Variants in NCOA1 observed in about 807,000 individuals in gnomAD.
The protein encoded by NCOA1 is Hin-2 protein.
NCOA1 carries 35 observed loss-of-function variants against 150.9 expected under a neutral mutation model. The observed-to-expected ratio is 0.23, with a 90% CI of 0.18 to 0.31. NCOA1 has a LOEUF of 0.31. NCOA1 is among the 10% of genes least tolerant of loss of function. The pLI, the probability that NCOA1 is intolerant of heterozygous loss-of-function variation, is 1.00. For synonymous variants in NCOA1, 590 were observed against 630.0 expected (o/e 0.94, Z 0.95); for missense variants, 1,491 against 1,749.3 (o/e 0.85, Z 2.63).
intron 1 of NCOA1, among the ~76,000 whole-genome samples, chr2:24,519,757 T>C (rs1664347476): frequency 6.6e-6 from 1 of 151,772 alleles, no homozygotes; most frequent in African/African-American, 2.4e-5. Flanking sequence ...TGCCCAGAAG[T>C]TGGAGGCTGC....
intron 2 of NCOA1, among the ~76,000 whole-genome samples, chr2:24,569,552 A>ATTT (rs200639064): frequency 0.31 from 28,503 of 93,290 alleles, 6,500 homozygotes; most frequent in South Asian, 0.42. Context: ...GGTTTTATTA[A>ATTT]TTTTTTTTTT....
At chr2:24,647,352 G>A (rs1020329146) in intron 4 of NCOA1, among the ~76,000 whole-genome samples, 7 of 152,282 alleles carry the variant, frequency 4.6e-5, no homozygotes, top group Admixed American at 3.3e-4. Flanking sequence ...AAGTTGTTGA[G>A]CAGATTAAGT....
At chr2:24,608,026 C>T (rs1379404591) in intron 3 of NCOA1, among the ~76,000 whole-genome samples, 1 of 151,924 alleles carries the variant, frequency 6.6e-6, no homozygotes, top group Admixed American at 6.6e-5. Flanking sequence ...AGGTTTATCG[C>T]TTAGTCACCA....
intron 19 of NCOA1, among the ~76,000 whole-genome samples, chr2:24,745,228 C>G (rs1175322719): frequency 2.1e-5 from 3 of 143,790 alleles, no homozygotes; most frequent in Admixed American, 7.3e-5. Context: ...GTGGCGTGAT[C>G]TCGGCTCACT....
chr2:24,690,712 C>T (rs1672628838), intron 8 of NCOA1, among the ~76,000 whole-genome samples: 1 of 142,792 alleles, frequency 7.0e-6, no homozygotes, highest in East Asian at 2.1e-4. Context: ...CATCTCATGA[C>T]CACGTGATTT....
chr2:24,696,175 G>A (rs906421343), intron 10 of NCOA1, among the ~76,000 whole-genome samples: 4 of 152,104 alleles, frequency 2.6e-5, no homozygotes, highest in African/African-American at 9.7e-5. Flanking sequence ...CCAAGACTTA[G>A]GTGATAACCT....
intron 1 of NCOA1, among the ~76,000 whole-genome samples, chr2:24,526,397 C>T (rs553245678): frequency 1.3e-5 from 2 of 151,786 alleles, no homozygotes; most frequent in East Asian, 1.9e-4. Context: ...AATTGGTTTT[C>T]ATTCTAGAAT....
intron 7 of NCOA1, 31 bp downstream of exon 7, chr2:24,673,494 T>A: frequency 6.8e-7 from 1 of 1,478,146 alleles, no homozygotes; most frequent in Non-Finnish European, 9.2e-7. Flanking sequence ...AGAAAGTGAT[T>A]AAAATCTTTG....
chr2:24,608,063 C>G (rs1260305335), intron 3 of NCOA1, among the ~76,000 whole-genome samples: 1 of 151,922 alleles, frequency 6.6e-6, no homozygotes, highest in African/African-American at 2.4e-5. Flanking sequence ...GCAAAACTAA[C>G]TCATAGTTTT....
At chr2:24,516,231 C>T (rs1252876971) in intron 1 of NCOA1, among the ~76,000 whole-genome samples, 1 of 123,300 alleles carries the variant, frequency 8.1e-6, no homozygotes, top group African/African-American at 3.2e-5. Flanking sequence ...CTCGCTCTGT[C>T]GCCCAGGCTG....
intron 3 of NCOA1, among the ~76,000 whole-genome samples, chr2:24,625,788 G>C (rs1669382384): frequency 6.7e-6 from 1 of 150,188 alleles, no homozygotes; most frequent in African/African-American, 2.4e-5. Context: ...TTAGAAGTGT[G>C]TTGGTTTTAA....
chr2:24,742,037 C>T lies in NCOA1; in HGVS notation c.3557C>T (p.Pro1186Leu), dbSNP rs1004345101. 3.1e-6 allele frequency: 5 copies of T among 1,614,084 alleles called. No individual in the cohort carries two copies. Among genetic ancestry groups the T allele is most frequent in the Non-Finnish European group, 2.5e-6 (3 of 1,180,038 alleles). ...GGAACCCCACCTGCTTCTACCAGCC[C>T]GTTTTCACAACTAGCAGCAAATCCT... ...NPGTPPASTS[P>L]FSQLAANPEA... The change falls in exon 19 of 23, where the codon CCG (proline) becomes CTG (leucine). Residue 1186 changes from proline to leucine, a missense_variant. Coordinates refer to ENST00000348332, the MANE Select transcript of NCOA1 (RefSeq NM_003743.5).
chr2:24,543,151 T>A (rs994349394), intron 1 of NCOA1, among the ~76,000 whole-genome samples: 2 of 152,114 alleles, frequency 1.3e-5, no homozygotes, highest in African/African-American at 4.8e-5. Context: ...ATCTAGGGGC[T>A]TATGGTGAGG....
chr2:24,512,169 A>G (rs929767702), intron 1 of NCOA1, among the ~76,000 whole-genome samples: 1 of 152,212 alleles, frequency 6.6e-6, no homozygotes, highest in Admixed American at 6.5e-5. Context: ...TCTGTGACAG[A>G]AGAGCTTTCA....
intron 1 of NCOA1, among the ~76,000 whole-genome samples, chr2:24,533,807 T>C (rs1026106291): frequency 6.6e-6 from 1 of 152,238 alleles, no homozygotes; most frequent in African/African-American, 2.4e-5. Flanking sequence ...TTGATTGTGG[T>C]GGATAAGCTT....
intron 10 of NCOA1, among the ~76,000 whole-genome samples, chr2:24,694,953 G>T (rs1484914733): frequency 6.6e-6 from 1 of 152,004 alleles, no homozygotes; most frequent in African/African-American, 2.4e-5. Context: ...TAAGGGCTTT[G>T]TGAGATAGCA....
intron 2 of NCOA1, among the ~76,000 whole-genome samples, chr2:24,569,038 C>T (rs1666625730): frequency 6.6e-6 from 1 of 152,120 alleles, no homozygotes; most frequent in Non-Finnish European, 1.5e-5. Context: ...AAATGGTCTA[C>T]TTGCTTTTTA....
In NCOA1 at chr2:24,595,603, T is replaced by C. The variant is rs56194352; in HGVS notation, c.-175+11043T>C. Among the ~76,000 whole-genome samples, 945 of 152,324 alleles carry C rather than the reference T, an allele frequency of 6.2e-3. 11 individuals carry two copies. Among genetic ancestry groups the C allele is most frequent in the African/African-American group, 0.021 (866 of 41,584 alleles). On this transcript the variant is annotated intron_variant, in intron 3 of 22. Transcript: ENST00000348332. ...TCTTGGTGTAGCCAGCCTCCATTTT[T>C]ACAGATGCCACAAGTTGTGATTTAC...
chr2:24,697,617 A>G (rs1374036114), intron 10 of NCOA1, 41 bp from the exon 11 acceptor site: 10 of 1,521,136 alleles, frequency 6.6e-6, no homozygotes, highest in Non-Finnish European at 9.0e-6. Context: ...TGATTTATAT[A>G]AAGAGGCTGT....
Sources: gnomAD v4.1 joint callset for allele counts (sites outside exome capture counted in the v4.1 genomes callset) on GRCh38, gnomAD v4.1.1 for gene constraint, MANE v1.5 for transcripts, NCBI Gene and HGNC (gene_info 2026-07-23, HGNC 2026-07-21) for gene names.